PTPRK: variants seen among roughly 807,000 people sequenced by gnomAD.
The protein encoded by PTPRK is protein tyrosine phosphatase receptor type K.
A neutral mutation model predicts 178.0 loss-of-function variants in PTPRK; 75 were observed. The observed-to-expected ratio is 0.42, with a 90% CI of 0.35 to 0.51. The LOEUF (loss-of-function observed/expected upper bound fraction) is 0.51, where lower values mean the gene tolerates loss of function less well. Ranked by LOEUF, PTPRK falls within the 20% of genes least tolerant of loss-of-function variation. The pLI, the probability that PTPRK is intolerant of heterozygous loss-of-function variation, is 0.02. For missense variants in PTPRK, 1,441 were observed against 1,797.8 expected, an observed-to-expected ratio of 0.80 and a Z score of 3.59; for synonymous variants, 637 against 620.6, an observed-to-expected ratio of 1.03 and a Z score of -0.39.
At chr6:128,240,880 G>A (rs1200908853) in intron 4 of PTPRK, among the ~76,000 whole-genome samples, 1 of 152,160 alleles carries the variant, frequency 6.6e-6, no homozygotes, top group Non-Finnish European at 1.5e-5. Flanking sequence ...CCTCATCCAT[G>A]TTTCCCATTG....
chr6:128,429,760 T>C (rs1485894586), intron 1 of PTPRK, among the ~76,000 whole-genome samples: 1 of 152,188 alleles, frequency 6.6e-6, no homozygotes, highest in Non-Finnish European at 1.5e-5. Context: ...TGACTCAGAA[T>C]GTAAACTTAC....
chr6:128,057,004 C>T (rs759468593), intron 13 of PTPRK, among the ~76,000 whole-genome samples: 3 of 152,050 alleles, frequency 2.0e-5, no homozygotes, highest in Non-Finnish European at 4.4e-5. Flanking sequence ...ATAAAGTAGG[C>T]CCATATTCTC....
At chr6:128,041,026 T>A (rs1777074306) in intron 13 of PTPRK, among the ~76,000 whole-genome samples, 1 of 152,092 alleles carries the variant, frequency 6.6e-6, no homozygotes, top group Middle Eastern at 3.2e-3. Context: ...AAACTACACA[T>A]GTGTTTCAGT....
intron 2 of PTPRK, among the ~76,000 whole-genome samples, chr6:128,365,027 T>G (rs1020373932): frequency 9.9e-5 from 15 of 152,028 alleles, no homozygotes; most frequent in Non-Finnish European, 2.1e-4. Flanking sequence ...AATTTAAGAA[T>G]AGGTTTGTAA....
At chr6:128,450,129 A>T (rs2128405565) in intron 1 of PTPRK, among the ~76,000 whole-genome samples, 1 of 152,032 alleles carries the variant, frequency 6.6e-6, no homozygotes, top group African/African-American at 2.4e-5. Context: ...CAAAAAAAAA[A>T]AAAGAAGGAA....
chr6:128,424,482 C>T (rs140211397), intron 1 of PTPRK, among the ~76,000 whole-genome samples: 155 of 152,188 alleles, frequency 1.0e-3, no homozygotes, highest in African/African-American at 3.3e-3. Flanking sequence ...TAAATAAGTG[C>T]GATGTGGAAG....
chr6:128,222,435 C>T (rs954193812), intron 5 of PTPRK, among the ~76,000 whole-genome samples: 1 of 152,180 alleles, frequency 6.6e-6, no homozygotes, highest in African/African-American at 2.4e-5. Flanking sequence ...CATATCATTC[C>T]CATCACTGGG....
chr6:128,306,619 C>G (rs962203112), intron 3 of PTPRK, among the ~76,000 whole-genome samples: 1 of 151,766 alleles, frequency 6.6e-6, no homozygotes, highest in African/African-American at 2.4e-5. Flanking sequence ...CATAGGCAGA[C>G]AGCATCTCTG....
intron 13 of PTPRK, among the ~76,000 whole-genome samples, chr6:128,010,054 A>G (rs1778879144): frequency 6.6e-6 from 1 of 151,188 alleles, no homozygotes; most frequent in Admixed American, 6.6e-5. Flanking sequence ...TTTTCCTTTT[A>G]CCTCATTTAC....
At chr6:128,289,201 CT>C (rs1230883849) in intron 3 of PTPRK, among the ~76,000 whole-genome samples, 1 of 152,102 alleles carries the variant, frequency 6.6e-6, no homozygotes, top group African/African-American at 2.4e-5. Flanking sequence ...CCAGGTGATT[CT>C]TAAAGACTCT....
At chr6:128,214,090 T>C (rs969484798) in intron 6 of PTPRK, among the ~76,000 whole-genome samples, 4 of 152,152 alleles carry the variant, frequency 2.6e-5, no homozygotes, top group African/African-American at 7.2e-5. Flanking sequence ...TTTCTTCATG[T>C]AAATATTGTG....
chr6:128,122,964 C>T (rs902113504), intron 7 of PTPRK, among the ~76,000 whole-genome samples: 2 of 152,106 alleles, frequency 1.3e-5, no homozygotes, highest in Non-Finnish European at 2.9e-5. Context: ...TAGTGGGTCC[C>T]GAAACAGATG....
intron 1 of PTPRK, among the ~76,000 whole-genome samples, chr6:128,447,852 G>A (rs1847234474): frequency 1.3e-5 from 2 of 152,024 alleles, no homozygotes; most frequent in Non-Finnish European, 2.9e-5. Flanking sequence ...TCGAACTCCT[G>A]ACCTTGTGAT....
chr6:128,162,736 T>C (rs1798873234), intron 7 of PTPRK, among the ~76,000 whole-genome samples: 1 of 151,612 alleles, frequency 6.6e-6, no homozygotes, highest in Non-Finnish European at 1.5e-5. Flanking sequence ...ATTGATAAGA[T>C]CTGTAGAGAA....
chr6:127,987,696 T>C (rs1776139427), intron 21 of PTPRK, among the ~76,000 whole-genome samples: 1 of 152,202 alleles, frequency 6.6e-6, no homozygotes, highest in East Asian at 1.9e-4. Flanking sequence ...TTCCTCTTGC[T>C]GCCTTATTTC....
chr6:128,501,252 A>T (rs984067915), intron 1 of PTPRK: 10 of 152,112 alleles, frequency 6.6e-5, no homozygotes, highest in African/African-American at 1.9e-4. Flanking sequence ...GGGAAAGTAA[A>T]TTTTTTTCCT....
chr6:128,019,226 T>G (rs989132813), intron 13 of PTPRK, among the ~76,000 whole-genome samples: 1 of 152,176 alleles, frequency 6.6e-6, no homozygotes, highest in Non-Finnish European at 1.5e-5. Flanking sequence ...ACTTCTGACA[T>G]AATTAAAAAT....
chr6:128,302,821 G>A (rs967330210), intron 3 of PTPRK, among the ~76,000 whole-genome samples: 6 of 151,970 alleles, frequency 3.9e-5, no homozygotes, highest in Non-Finnish European at 8.8e-5. Context: ...GTATCTTTAT[G>A]CTAACGGCTC....
chr6:128,307,758 T>A (rs555020592), intron 3 of PTPRK, among the ~76,000 whole-genome samples: 1 of 152,264 alleles, frequency 6.6e-6, no homozygotes, highest in Admixed American at 6.5e-5. Flanking sequence ...ACCACAATAT[T>A]ATCTTTACCT....
Sources: gnomAD v4.1 joint callset for allele counts (sites outside exome capture counted in the v4.1 genomes callset) on GRCh38, gnomAD v4.1.1 for gene constraint, MANE v1.5 for transcripts, NCBI Gene and HGNC (gene_info 2026-07-23, HGNC 2026-07-21) for gene names.